SOX6: variants seen among roughly 807,000 people sequenced by gnomAD.
SOX6 encodes the protein transcription factor SOX-6.
Under a neutral mutation model 97.8 loss-of-function variants are expected in SOX6, and 11 were observed. That is an observed-to-expected ratio of 0.11 (90% CI 0.07 to 0.19). SOX6 has a LOEUF of 0.19. Ranked by LOEUF, SOX6 falls within the 10% of genes least tolerant of loss-of-function variation. The pLI is 1.00. For synonymous variants in SOX6, 360 were observed against 371.4 expected (o/e 0.97, Z 0.35); for missense variants, 810 against 1,039.5 (o/e 0.78, Z 3.04).
At chr11:16,266,715 T>C (rs1341336101) in intron 3 of SOX6, among the ~76,000 whole-genome samples, 1 of 151,648 alleles carries the variant, frequency 6.6e-6, no homozygotes, top group African/African-American at 2.4e-5. Context: ...CTCTTGAAGG[T>C]GGACTGTAAG....
intron 1 of SOX6, among the ~76,000 whole-genome samples, chr11:16,471,547 T>C (rs1311518710): frequency 1.3e-5 from 2 of 152,224 alleles, no homozygotes; most frequent in East Asian, 1.9e-4. Flanking sequence ...TTGTAGGACA[T>C]GGAAATTAAG....
intron 3 of SOX6, among the ~76,000 whole-genome samples, chr11:16,267,859 T>G (rs1021706754): frequency 6.6e-6 from 1 of 151,660 alleles, no homozygotes; most frequent in South Asian, 2.1e-4. Context: ...AGAATACTAT[T>G]CAGCCTTAAT....
intron 3 of SOX6, among the ~76,000 whole-genome samples, chr11:16,695,134 A>C (rs762166967): frequency 6.6e-6 from 1 of 152,202 alleles, no homozygotes; most frequent in Non-Finnish European, 1.5e-5. Context: ...CCAGTTCTCT[A>C]TATGTAATTC....
intron 4 of SOX6, among the ~76,000 whole-genome samples, chr11:16,535,344 T>C (rs1357284426): frequency 3.9e-5 from 6 of 152,148 alleles, no homozygotes; most frequent in Non-Finnish European, 8.8e-5. Context: ...AATAAGCAAA[T>C]TACTTATATT....
chr11:16,629,213 C>T (rs1370884718), intron 3 of SOX6, among the ~76,000 whole-genome samples: 1 of 152,140 alleles, frequency 6.6e-6, no homozygotes, highest in Non-Finnish European at 1.5e-5. Flanking sequence ...GCCATTCCAG[C>T]ATGACATTGG....
chr11:15,983,181 T>A (rs572061053), intron 15 of SOX6, among the ~76,000 whole-genome samples: 2 of 152,152 alleles, frequency 1.3e-5, no homozygotes, highest in African/African-American at 2.4e-5. Context: ...CATATAATAG[T>A]GTGTTATACC....
At chr11:16,096,665 T>G (rs891495242) in intron 8 of SOX6, among the ~76,000 whole-genome samples, 1 of 151,828 alleles carries the variant, frequency 6.6e-6, no homozygotes, top group Non-Finnish European at 1.5e-5. Flanking sequence ...TATGTTCAAG[T>G]CACATAGAGA....
intron 4 of SOX6, among the ~76,000 whole-genome samples, chr11:16,190,311 G>A (rs1851593574): frequency 6.6e-6 from 1 of 152,158 alleles, no homozygotes; most frequent in Admixed American, 6.5e-5. Context: ...CCTTAAACTT[G>A]AGGAGTACAT....
chr11:16,526,133 G>A (rs904020762), intron 4 of SOX6, among the ~76,000 whole-genome samples: 3 of 152,074 alleles, frequency 2.0e-5, no homozygotes, highest in Non-Finnish European at 4.4e-5. Context: ...CCCATTCCTG[G>A]GTATATACCC....
chr11:16,642,763 A>C (rs996967339), intron 3 of SOX6, among the ~76,000 whole-genome samples: 2 of 152,282 alleles, frequency 1.3e-5, no homozygotes, highest in South Asian at 4.1e-4. Context: ...TTTCAGCTCT[A>C]TCAGGTCCTT....
chr11:16,464,948 A>T (rs1396627180), intron 1 of SOX6, among the ~76,000 whole-genome samples: 1 of 152,350 alleles, frequency 6.6e-6, no homozygotes, highest in East Asian at 1.9e-4. Flanking sequence ...GTATTTCCAC[A>T]TCTTAAAAAA....
chr11:16,509,564 G>C (rs1474017506), intron 4 of SOX6, among the ~76,000 whole-genome samples: 1 of 151,808 alleles, frequency 6.6e-6, no homozygotes, highest in East Asian at 1.9e-4. Flanking sequence ...AAAGATGAAA[G>C]GTATTTTAGT....
chr11:16,659,711 T>A (rs1847751292), intron 3 of SOX6, among the ~76,000 whole-genome samples: 1 of 152,148 alleles, frequency 6.6e-6, no homozygotes, highest in Admixed American at 6.6e-5. Flanking sequence ...ATTAGTATGA[T>A]TTTTTTCTTT....
rs1349868060 is a variant in SOX6 at position 16,527,080 on chromosome 11, C to T, written n.610-50692G>A. Among the ~76,000 whole-genome samples, 6 of 152,064 alleles carry T rather than the reference C, an allele frequency of 3.9e-5. No homozygotes were observed. In the East Asian group the frequency reaches 7.7e-4, roughly 20 times the overall value. On this transcript the variant is annotated intron_variant and non_coding_transcript_variant, in intron 4 of 5. Transcript: ENST00000524520. ...AAAAGGACTTTTCACTCAGGAGCAA[C>T]AGCCAGATATCAGCTGTTCATTGCA... is the stretch of plus-strand genomic sequence containing the variant.
intron 6 of SOX6, among the ~76,000 whole-genome samples, chr11:16,173,049 T>C (rs895215776): frequency 6.6e-6 from 1 of 151,938 alleles, no homozygotes; most frequent in African/African-American, 2.4e-5. Context: ...TATAAGTCTA[T>C]GGAATTTACT....
intron 5 of SOX6, among the ~76,000 whole-genome samples, chr11:16,186,547 C>T (rs1041256702): frequency 2.0e-5 from 3 of 152,082 alleles, no homozygotes; most frequent in African/African-American, 4.8e-5. Flanking sequence ...AAACCTGAAA[C>T]AATGTATCAT....
intron 15 of SOX6, among the ~76,000 whole-genome samples, chr11:15,983,924 G>T (rs1168027444): frequency 2.6e-5 from 4 of 152,068 alleles, no homozygotes; most frequent in Non-Finnish European, 5.9e-5. Context: ...AAGAGCTCTT[G>T]CTCAGATGGC....
intron 3 of SOX6, among the ~76,000 whole-genome samples, chr11:16,677,858 T>A (rs1184778162): frequency 6.6e-6 from 1 of 152,206 alleles, no homozygotes; most frequent in Non-Finnish European, 1.5e-5. Flanking sequence ...GATTTTGACT[T>A]ACAAAACCAA....
intron 4 of SOX6, among the ~76,000 whole-genome samples, chr11:16,512,647 C>T (rs1860897345): frequency 1.3e-5 from 2 of 152,050 alleles, no homozygotes. Flanking sequence ...TTTATCCCAA[C>T]CATGTAGTAA....
Sources: gnomAD v4.1 joint callset for allele counts (sites outside exome capture counted in the v4.1 genomes callset) on GRCh38, gnomAD v4.1.1 for gene constraint, MANE v1.5 for transcripts, NCBI Gene and HGNC (gene_info 2026-07-23, HGNC 2026-07-21) for gene names.